SSBP3: variants seen among roughly 807,000 people sequenced by gnomAD.
The protein encoded by SSBP3 is single-stranded DNA-binding protein 3.
SSBP3 carries 5 observed loss-of-function variants against 69.6 expected under a neutral mutation model. That is an observed-to-expected ratio of 0.07 (90% CI 0.04 to 0.15). The LOEUF is 0.15. Among genes scored for constraint, SSBP3 ranks in the 10% least tolerant of loss-of-function variants. The pLI is 1.00. For missense variants in SSBP3, 312 were observed against 534.0 expected, an observed-to-expected ratio of 0.58 and a Z score of 4.10; for synonymous variants, 196 against 193.4, an observed-to-expected ratio of 1.01 and a Z score of -0.11.
chr1:54,369,207 T>C (rs909757724), intron 4 of SSBP3, among the ~76,000 whole-genome samples: 43 of 122,350 alleles, frequency 3.5e-4, no homozygotes, highest in Admixed American at 2.3e-3. Context: ...TGGGAAAAAG[T>C]CCTCTTGAGT....
chr1:54,351,047 C>T (rs112902342), intron 4 of SSBP3, among the ~76,000 whole-genome samples: 3,722 of 152,138 alleles, frequency 0.024, 157 homozygotes, highest in African/African-American at 0.085. Context: ...AGGCTGGTCT[C>T]GAACTCCTAG....
chr1:54,227,072 A>G, exon 18 of SSBP3: 1 of 1,442,294 alleles, frequency 6.9e-7, no homozygotes, highest in East Asian at 2.4e-5. Context: ...TTCTTGCATA[A>G]TTTCTGGCAT....
At chr1:54,262,479 C>T (rs1384917918) in intron 5 of SSBP3, among the ~76,000 whole-genome samples, 1 of 152,278 alleles carries the variant, frequency 6.6e-6, no homozygotes, top group South Asian at 2.1e-4. Flanking sequence ...ACCGAGATGC[C>T]GGGTGCTGAC....
At chr1:54,407,934 A>C (rs1248722939), upstream of SSBP3, among the ~76,000 whole-genome samples, 1 of 152,068 alleles carries the variant, frequency 6.6e-6, no homozygotes, top group Non-Finnish European at 1.5e-5. Context: ...CCTACCATTA[A>C]AGTTTGCTTA....
chr1:54,240,103 TGCGTGCGCGCGC>T (rs1644596381), intron 13 of SSBP3, among the ~76,000 whole-genome samples: 1 of 22,158 alleles, frequency 4.5e-5, no homozygotes, highest in Non-Finnish European at 2.3e-4. Flanking sequence ...CGCGCGCGTG[TGCGTGCGCGCGC>T]GCGCGCAACA....
chr1:54,317,828 C>T (rs1354642222), intron 4 of SSBP3, among the ~76,000 whole-genome samples: 5 of 151,972 alleles, frequency 3.3e-5, no homozygotes, highest in African/African-American at 7.3e-5. Flanking sequence ...TGCAATGGTG[C>T]GATTTTGGCT....
chr1:54,403,943 C>T lies in SSBP3; in HGVS notation c.191+633G>A, dbSNP rs903435930. Among the ~76,000 whole-genome samples, 3 of 149,294 alleles carry T rather than the reference C, an allele frequency of 2.0e-5. No homozygotes were observed. In the East Asian group the frequency reaches 5.9e-4, roughly 30 times the overall value. ...TAGAGAGTCACAGAGAGTGGGAGCCCCTAACTGCAGACACTGCGAGGTCGA... is the reference window on the plus strand; with the variant it reads ...TAGAGAGTCACAGAGAGTGGGAGCCTCTAACTGCAGACACTGCGAGGTCGA... On this transcript the variant is annotated intron_variant, in intron 3 of 17. Coordinates refer to ENST00000610401, the Ensembl canonical transcript of SSBP3.
At chr1:54,310,092 A>C (rs1381274764) in intron 4 of SSBP3, among the ~76,000 whole-genome samples, 1 of 151,774 alleles carries the variant, frequency 6.6e-6, no homozygotes, top group East Asian at 1.9e-4. Context: ...TATCCCAGCA[A>C]CTCCAAGGGC....
intron 5 of SSBP3, among the ~76,000 whole-genome samples, chr1:54,260,495 A>G (rs1390509325): frequency 6.6e-6 from 1 of 152,248 alleles, no homozygotes; most frequent in African/African-American, 2.4e-5. Context: ...GCCTCAATCT[A>G]CGGCAGCCTT....
At position 54,240,089 on chromosome 1, in the gene SSBP3, CGCGCGCGCGCGTGTGCGT is replaced by C. The variant is rs1187567583; in HGVS notation, c.856+798_856+815del. Among the ~76,000 whole-genome samples the C allele has an allele frequency of 1.7e-3, 73 of 42,028 alleles. 1 individual carries two copies. In the East Asian group the frequency reaches 0.11, roughly 61 times the overall value. 27.6% of individuals were successfully genotyped at this position (42,028 alleles called of 152,430 possible). A position where few individuals can be genotyped will look rare whatever the true frequency, so the allele number is the denominator to read the frequency against. On this transcript the variant is annotated intron_variant, in intron 13 of 17. Coordinates refer to ENST00000610401, the Ensembl canonical transcript of SSBP3. ...GTGTGTGTGTGTGTGTGTGTGTGTG[CGCGCGCGCGCGTGTGCGT>C]GCGCGCGCGCGCGCAACACATGCCC...
At chr1:54,250,540 A>C (rs2100703985) in intron 9 of SSBP3, among the ~76,000 whole-genome samples, 3 of 79,544 alleles carry the variant, frequency 3.8e-5, no homozygotes, top group African/African-American at 1.4e-4. Context: ...GTGGGCGGGA[A>C]TGGGGGGGGG....
intron 5 of SSBP3, among the ~76,000 whole-genome samples, chr1:54,274,930 C>A (rs1645257235): frequency 6.6e-6 from 1 of 152,148 alleles, no homozygotes; most frequent in African/African-American, 2.4e-5. Context: ...CACACTCCCC[C>A]ACCTCAATTC....
intron 1 of SSBP3, chr1:54,413,347 C>T (rs1650039694): frequency 6.6e-6 from 1 of 152,236 alleles, no homozygotes; most frequent in Non-Finnish European, 1.5e-5. Context: ...CCATTTATTT[C>T]TCACTCACAG....
At chr1:54,336,566 G>A (rs529252681) in intron 4 of SSBP3, among the ~76,000 whole-genome samples, 1 of 152,186 alleles carries the variant, frequency 6.6e-6, no homozygotes, top group Admixed American at 6.5e-5. Flanking sequence ...TGTACAGATG[G>A]GCCTGGTTCA....
At chr1:54,411,207 C>T (rs987081287), upstream of SSBP3, among the ~76,000 whole-genome samples, 3 of 152,108 alleles carry the variant, frequency 2.0e-5, no homozygotes, top group Admixed American at 1.3e-4. Flanking sequence ...GAGCTAGGCA[C>T]GGTGGCTCAC....
At chr1:54,345,071 CTG>C (rs1646667000) in intron 4 of SSBP3, among the ~76,000 whole-genome samples, 1 of 152,186 alleles carries the variant, frequency 6.6e-6, no homozygotes, top group African/African-American at 2.4e-5. Context: ...CTCCTGTCAT[CTG>C]TGCGGAAATT....
intron 14 of SSBP3, among the ~76,000 whole-genome samples, chr1:54,231,823 T>C (rs1457180114): frequency 2.6e-5 from 4 of 152,158 alleles, no homozygotes; most frequent in Non-Finnish European, 4.4e-5. Context: ...GCCTCCCAGG[T>C]AGCTGGGACT....
chr1:54,371,282 G>A (rs1043788336), intron 4 of SSBP3, among the ~76,000 whole-genome samples: 14 of 152,220 alleles, frequency 9.2e-5, no homozygotes, highest in Admixed American at 4.6e-4. Context: ...CTCCAGCACC[G>A]AGGAACACTC....
chr1:54,401,823 C>T (rs1649325136), intron 4 of SSBP3, 38 bp downstream of exon 4: 1 of 1,566,472 alleles, frequency 6.4e-7, no homozygotes, highest in South Asian at 1.1e-5. Context: ...GCTATCCAAC[C>T]CTATAATTAT....
Sources: allele counts gnomAD v4.1 joint callset (sites outside exome capture counted in the v4.1 genomes callset), GRCh38; gene constraint gnomAD v4.1.1; transcripts MANE v1.5; gene names NCBI Gene and HGNC (gene_info 2026-07-23, HGNC 2026-07-21).